Variants in NEMF observed in about 807,000 individuals in gnomAD.
The protein encoded by NEMF is ribosome quality control complex subunit NEMF.
In NEMF, 89 loss-of-function variants were observed where a neutral mutation model predicts 162.2. That is an observed-to-expected ratio of 0.55 (90% CI 0.46 to 0.65). NEMF has a LOEUF of 0.65. Ranked by LOEUF, NEMF falls within the 30% of genes least tolerant of loss-of-function variation. NEMF has a pLI of 0.00. For missense variants in NEMF, 1,133 were observed against 1,261.9 expected (o/e 0.90, Z 1.55); for synonymous variants, 421 against 404.5 (o/e 1.04, Z -0.49).
chr14:49,823,430 C>CT (rs1256682863), intron 16 of NEMF, among the ~76,000 whole-genome samples: 1 of 151,040 alleles, frequency 6.6e-6, no homozygotes, highest in East Asian at 1.9e-4. Context: ...AAAGTCCTCT[C>CT]TTTTTTTGCC....
At chr14:49,817,901 C>T (rs1891797094) in intron 16 of NEMF, among the ~76,000 whole-genome samples, 1 of 152,112 alleles carries the variant, frequency 6.6e-6, no homozygotes, top group African/African-American at 2.4e-5. Flanking sequence ...AAAAGGAACA[C>T]TTTCCAACTT....
rs568568779 is a variant in NEMF at position 49,789,255 on chromosome 14, G to C, written c.2786C>G (p.Pro929Arg). 6.2e-7 allele frequency: 1 copy of C among 1,614,060 alleles called. No individual in the cohort carries two copies. Among genetic ancestry groups the C allele is most frequent in the Non-Finnish European group, 8.5e-7 (1 of 1,179,994 alleles). ...DEPVKKQPQK[P>R]RGGQRVSDNI... Reference sequence around the variant, plus strand: ...GTCAGAGACCCTCTGTCCACCTCTAGGTTTCTGGGGCTGTTTCTTCACAGG... The same window carrying C: ...GTCAGAGACCCTCTGTCCACCTCTACGTTTCTGGGGCTGTTTCTTCACAGG... Residue 929 changes from proline to arginine, a missense_variant, in exon 28 of 33, where the codon CCT becomes CGT. By Grantham distance (103) the Pro-to-Arg change is moderately radical. This residue lies in a region of NEMF where 532 missense variants were observed against 578.6 expected (regional missense o/e 0.92). Transcript: ENST00000298310.
At chr14:49,806,798 G>T (rs528135500) in intron 18 of NEMF, among the ~76,000 whole-genome samples, 2 of 152,116 alleles carry the variant, frequency 1.3e-5, no homozygotes, top group Non-Finnish European at 2.9e-5. Context: ...AATTAAAATA[G>T]ATTGGCTGAA....
chr14:49,786,460 ACATTAGTTAT>A (rs1890184430), intron 29 of NEMF: 1 of 481,876 alleles, frequency 2.1e-6, no homozygotes, highest in African/African-American at 1.9e-5. Flanking sequence ...CCCTTTACAT[ACATTAGTTAT>A]CAAAACAACC....
intron 16 of NEMF, among the ~76,000 whole-genome samples, chr14:49,815,495 T>G: frequency 6.6e-6 from 1 of 152,200 alleles, no homozygotes; most frequent in East Asian, 1.9e-4. Flanking sequence ...CTACAGAGAT[T>G]ATCTTCTGTA....
intron 26 of NEMF, among the ~76,000 whole-genome samples, chr14:49,790,701 ATG>A (rs1360104085): frequency 2.0e-5 from 3 of 152,148 alleles, no homozygotes; most frequent in African/African-American, 7.2e-5. Context: ...TCCAAAAGTC[ATG>A]TGAGGGTCTG....
At chr14:49,842,246 T>G (rs184273039) in intron 4 of NEMF, among the ~76,000 whole-genome samples, 7 of 148,920 alleles carry the variant, frequency 4.7e-5, no homozygotes, top group Non-Finnish European at 8.9e-5. Flanking sequence ...ATGGAAACAA[T>G]GTTAGAAAAA....
intron 4 of NEMF, among the ~76,000 whole-genome samples, chr14:49,841,131 A>T (rs1236599201): frequency 7.1e-6 from 1 of 140,668 alleles, no homozygotes; most frequent in East Asian, 2.3e-4. Context: ...TGGGGGGTGG[A>T]GACTGCAGTG....
rs1555345927 is a variant in NEMF at position 49,799,227 on chromosome 14, A to AAAAAAAGG, written c.2465+240_2465+247dup. On this transcript the variant is annotated intron_variant, in intron 25 of 32. Transcript: ENST00000298310. ...TGTTTCAAAAAAAAAAAAAAAAAAA[A>AAAAAAAGG]AAAAAAGGAAAATGTTAAGTGAGGA... Among the ~76,000 whole-genome samples the AAAAAAAGG allele has an allele frequency of 7.9e-4, 119 of 150,042 alleles. 1 individual carries two copies. In the East Asian group the frequency reaches 0.012, roughly 15 times the overall value.
At chr14:49,802,342 G>A in intron 22 of NEMF, 111 bp downstream of exon 22, 1 of 1,265,014 alleles carries the variant, frequency 7.9e-7, no homozygotes. Flanking sequence ...GGTTTTCGGG[G>A]TTTTTTTGAA....
At chr14:49,791,540 C>A (rs949733493) in intron 26 of NEMF, among the ~76,000 whole-genome samples, 1 of 151,854 alleles carries the variant, frequency 6.6e-6, no homozygotes, top group South Asian at 2.1e-4. Flanking sequence ...AGATCGAGAC[C>A]ATCCTGACCA....
At chr14:49,789,618 A>T (rs757082292) in intron 26 of NEMF, 45 bp from the exon 27 acceptor site, 33 of 1,585,360 alleles carry the variant, frequency 2.1e-5, no homozygotes, top group African/African-American at 2.7e-5. Context: ...AGCAGCAAAA[A>T]AATGTCAACA....
intron 16 of NEMF, among the ~76,000 whole-genome samples, chr14:49,819,100 ACT>A (rs1316435530): frequency 2.6e-5 from 4 of 152,090 alleles, no homozygotes; most frequent in African/African-American, 9.7e-5. Flanking sequence ...ACAGAGCGAA[ACT>A]CTGTCTCCAA....
intron 15 of NEMF, 58 bp downstream of exon 15, chr14:49,828,233 G>T: frequency 9.1e-7 from 1 of 1,095,464 alleles, no homozygotes; most frequent in Non-Finnish European, 1.4e-6. Context: ...AAATAATTAT[G>T]TCCATTAAAT....
At chr14:49,792,695 A>G (rs1008337108) in intron 26 of NEMF, among the ~76,000 whole-genome samples, 2 of 152,220 alleles carry the variant, frequency 1.3e-5, no homozygotes, top group Non-Finnish European at 2.9e-5. Flanking sequence ...AAATAATACA[A>G]TAGTCTGGGC....
At chr14:49,818,701 G>T (rs1226514301) in intron 16 of NEMF, among the ~76,000 whole-genome samples, 1 of 152,112 alleles carries the variant, frequency 6.6e-6, no homozygotes, top group Non-Finnish European at 1.5e-5. Context: ...ATAATCAGGA[G>T]TAATATATGT....
At chr14:49,814,959 G>A (rs1263122323) in intron 16 of NEMF, 102 bp from the exon 17 acceptor site, 2 of 669,028 alleles carry the variant, frequency 3.0e-6, no homozygotes, top group East Asian at 3.0e-5. Context: ...AAGACAAGTT[G>A]ATGGTTTAAT....
Position 49,828,708 on chromosome 14 carries a change from T to C in NEMF, c.1332A>G (p.Lys444=). The part of the protein sequence containing the change: ...ETEPPKGKKK[K]QKNKQLQKPQ... ...GCTTCTGCAGCTGTTTATTCTTTTG[T>C]TTTTTCTTTTTTCCTTTTGGTGGTT... The change falls in exon 14 of 33, where the codon AAA becomes AAG. Residue 444 remains lysine (K), a synonymous_variant. Transcript: ENST00000298310. The C allele has an allele frequency of 3.7e-6, 6 of 1,606,566 alleles. No homozygotes were observed. Among genetic ancestry groups the C allele is most frequent in the Non-Finnish European group, 5.1e-6 (6 of 1,177,746 alleles).
At position 49,851,797 on chromosome 14, in the gene NEMF, A is replaced by T. The variant is rs1385304118; in HGVS notation, c.128+10T>A. Reference sequence around the variant, plus strand: ...GTCAAAGAGAAAATAAGCCTATAAAATGTTCTTACTTTTGAAGACGAATAA... The same window carrying T: ...GTCAAAGAGAAAATAAGCCTATAAATTGTTCTTACTTTTGAAGACGAATAA... On this transcript the variant is annotated intron_variant, in intron 2 of 32. Coordinates refer to ENST00000298310, the MANE Select transcript of NEMF (RefSeq NM_004713.6). 13 of 1,518,416 alleles carry T rather than the reference A, an allele frequency of 8.6e-6. No homozygotes were observed. Among genetic ancestry groups the T allele is most frequent in the Non-Finnish European group, 1.2e-5 (13 of 1,104,372 alleles). 94.1% of individuals were successfully genotyped at this position (1,518,416 alleles called of 1,614,324 possible).
Sources: allele counts gnomAD v4.1 joint callset (sites outside exome capture counted in the v4.1 genomes callset), GRCh38; gene constraint gnomAD v4.1.1; regional missense constraint gnomAD v4.1.1; transcripts MANE v1.5; gene names NCBI Gene and HGNC (gene_info 2026-07-23, HGNC 2026-07-21).